Variants in IRAG1 observed in about 807,000 individuals in gnomAD.
IRAG1 encodes IP3R-associated cGMP kinase substrate.
A neutral mutation model predicts 106.2 loss-of-function variants in IRAG1; 62 were observed. The ratio of observed to expected loss-of-function variants is 0.58; its 90% CI spans 0.48 to 0.72. IRAG1 has a LOEUF of 0.72. IRAG1 is among the 30% of genes least tolerant of loss of function. The probability of loss-of-function intolerance (pLI) is 0.00; values close to 1 mark genes in which losing one functional copy is unlikely to be tolerated. For synonymous variants in IRAG1, 462 were observed against 443.9 expected, an observed-to-expected ratio of 1.04 and a Z score of -0.51; for missense variants, 1,064 against 1,140.7, an observed-to-expected ratio of 0.93 and a Z score of 0.97.
intron 1 of IRAG1, among the ~76,000 whole-genome samples, chr11:10,667,543 C>A (rs1859881806): frequency 6.6e-6 from 1 of 152,200 alleles, no homozygotes; most frequent in African/African-American, 2.4e-5. Flanking sequence ...AAAATCTAGC[C>A]ATCCTGCAGC....
rs1385920707 is a variant in IRAG1, at chr11:10,693,631, A to G, written c.-29T>C. Reference sequence around the variant, plus strand: ...AGGTCAATGTTACATCTGGCTCCGGAGCTCAGAGCCGAGAAGCCTCTGGCT... The same window carrying G: ...AGGTCAATGTTACATCTGGCTCCGGGGCTCAGAGCCGAGAAGCCTCTGGCT... On this transcript the variant is annotated 5_prime_UTR_variant, in exon 1 of 21. Coordinates refer to ENST00000423302, the MANE Select transcript of IRAG1 (RefSeq NM_130385.4). 6.5e-7 allele frequency: 1 copy of G among 1,533,930 alleles called. No homozygotes were observed. The highest frequency in any genetic ancestry group is 1.4e-5 in the African/African-American group (1 of 72,980).
chr11:10,617,144 A>G (rs1855498138), intron 10 of IRAG1: 1 of 985,282 alleles, frequency 1.0e-6, no homozygotes, highest in South Asian at 4.7e-5. Flanking sequence ...TCTCTGCCTC[A>G]GCCTACGTGT....
chr11:10,683,360 C>G (rs61890435), intron 1 of IRAG1, among the ~76,000 whole-genome samples: 1 of 139,144 alleles, frequency 7.2e-6, no homozygotes, highest in Admixed American at 7.1e-5. Flanking sequence ...AAGGTTTGTG[C>G]CAAAAAAAAA....
chr11:10,609,620 C>A, intron 11 of IRAG1, 108 bp downstream of exon 11: 2 of 1,305,450 alleles, frequency 1.5e-6, no homozygotes. Flanking sequence ...TGGACTTTGG[C>A]CCTTCTGGGT....
Position 10,626,230 on chromosome 11 carries a change from C to A in IRAG1, c.1104G>T (p.Glu368Asp), listed in dbSNP as rs1415461240. Residue 368 changes from glutamate (E) to aspartate (D), a missense_variant, in exon 9 of 21, where the codon GAG becomes GAT. Transcript: ENST00000423302. ...PASQGRGPAG[E>D]PMGPEAGSKA... ...TGGAGCCAGCCTCGGGCCCCATCGG[C>A]TCTCCAGCTGGGCCTCTCCCCTGGG... The A allele has an allele frequency of 5.6e-6, 9 of 1,599,674 alleles. No individual in the cohort carries two copies. Among genetic ancestry groups the A allele is most frequent in the Non-Finnish European group, 6.0e-6 (7 of 1,171,310 alleles).
At chr11:10,640,671 C>T (rs1471921035) in intron 2 of IRAG1, among the ~76,000 whole-genome samples, 1 of 152,188 alleles carries the variant, frequency 6.6e-6, no homozygotes, top group Non-Finnish European at 1.5e-5. Flanking sequence ...ACACACGCAT[C>T]CCTGCTCCCA....
At chr11:10,629,922 G>T (rs534946716) in intron 4 of IRAG1, 2 of 545,386 alleles carry the variant, frequency 3.7e-6, no homozygotes, top group Non-Finnish European at 6.4e-6. Context: ...GTGGTCCTCC[G>T]TCACAAATGG....
chr11:10,649,784 G>A (rs895283385), intron 2 of IRAG1, among the ~76,000 whole-genome samples: 2 of 152,132 alleles, frequency 1.3e-5, no homozygotes, highest in African/African-American at 2.4e-5. Flanking sequence ...GAGAGTAAGC[G>A]ATCCCTGATT....
intron 8 of IRAG1, 64 bp from the exon 9 acceptor site, chr11:10,626,647 C>T (rs763446263): frequency 8.0e-6 from 12 of 1,506,848 alleles, no homozygotes; most frequent in Non-Finnish European, 1.1e-5. Flanking sequence ...GGTGAGGCCA[C>T]TTCTGCTGTG....
intron 14 of IRAG1, among the ~76,000 whole-genome samples, chr11:10,601,426 C>T (rs993303279): frequency 2.0e-5 from 3 of 152,148 alleles, no homozygotes; most frequent in African/African-American, 7.2e-5. Context: ...CCAGGGAACT[C>T]CAAGAGGAGT....
intron 3 of IRAG1, among the ~76,000 whole-genome samples, chr11:10,633,142 T>C (rs529446247): frequency 4.0e-5 from 6 of 150,454 alleles, no homozygotes; most frequent in African/African-American, 1.2e-4. Context: ...TGGCGCGATC[T>C]GGGCTCACTG....
chr11:10,588,556 G>A (rs1176016079), intron 18 of IRAG1, among the ~76,000 whole-genome samples: 1 of 152,134 alleles, frequency 6.6e-6, no homozygotes, highest in Non-Finnish European at 1.5e-5. Context: ...TCGTTATATT[G>A]CCCAGGCTGG....
chr11:10,607,239 T>C (rs10500728), intron 11 of IRAG1, among the ~76,000 whole-genome samples: 4,649 of 152,272 alleles, frequency 0.031, 125 homozygotes, highest in African/African-American at 0.069. Flanking sequence ...GCCATTATAA[T>C]TGTTCTGGGG....
chr11:10,604,089 C>A lies in IRAG1; in HGVS notation c.1743+316G>T, dbSNP rs915562901. 3.4e-4 allele frequency among the ~76,000 whole-genome samples: 51 copies of A among 152,198 alleles called. 1 individual carries two copies. Among genetic ancestry groups the A allele is most frequent in the Admixed American group, 1.3e-4 (2 of 15,280 alleles). ...CTCTGCAGGGCCTGGGCCACAGTTTCTTCTGGTGCTTGGAGAAGCCCAATG... is the reference window on the plus strand; with the variant it reads ...CTCTGCAGGGCCTGGGCCACAGTTTATTCTGGTGCTTGGAGAAGCCCAATG... On this transcript the variant is annotated intron_variant, in intron 13 of 20. Coordinates refer to ENST00000423302, the MANE Select transcript of IRAG1 (RefSeq NM_130385.4).
rs753977072 is a variant in IRAG1 at position 10,626,350 on chromosome 11, G to A, written c.984C>T (p.Ser328=). 1.4e-5 allele frequency: 22 copies of A among 1,613,578 alleles called. No homozygotes were observed. The highest frequency in any genetic ancestry group is 3.3e-5 in the Admixed American group (2 of 59,982). Residue 328 remains serine (S), a synonymous_variant, in exon 9 of 21, where the codon AGC becomes AGT. Transcript: ENST00000423302. ...LNSPQPGPVE[S]ELGKQLLKTG... is the part of the protein sequence containing the mutation. ...TTTTCAAGAGCTGCTTCCCCAGCTC[G>A]CTCTCCACGGGGCCAGGCTGAGGGC...
At chr11:10,667,313 C>T (rs1262964531) in intron 1 of IRAG1, among the ~76,000 whole-genome samples, 1 of 152,066 alleles carries the variant, frequency 6.6e-6, no homozygotes, top group Non-Finnish European at 1.5e-5. Context: ...AAAGCAAAGG[C>T]CTTCTAGGGC....
intron 1 of IRAG1, among the ~76,000 whole-genome samples, chr11:10,653,127 A>G (rs1446644068): frequency 1.3e-5 from 2 of 152,348 alleles, no homozygotes; most frequent in African/African-American, 2.4e-5. Context: ...TTCTAGGACC[A>G]GATGCTTTCT....
At chr11:10,679,119 T>A (rs967998894) in intron 1 of IRAG1, among the ~76,000 whole-genome samples, 14 of 152,232 alleles carry the variant, frequency 9.2e-5, no homozygotes, top group African/African-American at 3.4e-4. Context: ...CTTGGAAGCT[T>A]CCAATCTTAG....
chr11:10,669,993 C>G (rs960620707), intron 1 of IRAG1, among the ~76,000 whole-genome samples: 2 of 152,192 alleles, frequency 1.3e-5, no homozygotes, highest in African/African-American at 2.4e-5. Context: ...GCTGCACTAA[C>G]CGAGGTGGGA....
Sources: allele counts gnomAD v4.1 joint callset (sites outside exome capture counted in the v4.1 genomes callset), GRCh38; gene constraint gnomAD v4.1.1; transcripts MANE v1.5; gene names NCBI Gene and HGNC (gene_info 2026-07-23, HGNC 2026-07-21).